SQLE: variants seen among roughly 807,000 people sequenced by gnomAD.
The protein encoded by SQLE is squalene monooxygenase.
Under a neutral mutation model 60.7 loss-of-function variants are expected in SQLE, and 29 were observed. The observed-to-expected ratio is 0.48, with a 90% CI of 0.36 to 0.65. SQLE has a LOEUF of 0.65. Among genes scored for constraint, SQLE ranks in the 30% least tolerant of loss-of-function variants. The pLI is 0.00. For missense variants in SQLE, 605 were observed against 684.1 expected, an observed-to-expected ratio of 0.88 and a Z score of 1.29; for synonymous variants, 237 against 246.8, an observed-to-expected ratio of 0.96 and a Z score of 0.37.
At chr8:125,002,668 A>G (rs889369128) in intron 1 of SQLE, among the ~76,000 whole-genome samples, 2 of 152,182 alleles carry the variant, frequency 1.3e-5, no homozygotes, top group African/African-American at 2.4e-5. Context: ...CAAGAGTGAA[A>G]CTCAGTCTCA....
intron 7 of SQLE, among the ~76,000 whole-genome samples, chr8:125,017,243 G>C (rs1259389416): frequency 6.6e-6 from 1 of 152,064 alleles, no homozygotes; most frequent in Non-Finnish European, 1.5e-5. Context: ...CAGAAATGCT[G>C]TCTGGGAGCC....
In SQLE at chr8:125,003,232, A is replaced by G; in HGVS notation, c.348A>G (p.Thr116=). 1.2e-6 allele frequency: 2 copies of G among 1,613,930 alleles called. No individual in the cohort carries two copies. Among genetic ancestry groups the G allele is most frequent in the East Asian group, 4.5e-5 (2 of 44,880 alleles). ...GCTTAATAGGAACAGCTGCCTGTAC[A>G]TCAACATCTTCTCAGAATGACCCAG... ...ETSLIGTAAC[T]STSSQNDPEV... Residue 116 remains threonine, a synonymous_variant, in exon 2 of 11, where the codon ACA becomes ACG. Transcript: ENST00000265896.
At chr8:125,014,065 G>A (rs1040003251) in intron 7 of SQLE, among the ~76,000 whole-genome samples, 1 of 152,004 alleles carries the variant, frequency 6.6e-6, no homozygotes, top group African/African-American at 2.4e-5. Context: ...ATGGTTTGGA[G>A]GAAAGTCTAG....
intron 4 of SQLE, among the ~76,000 whole-genome samples, chr8:125,008,734 T>C (rs1814995924): frequency 6.6e-6 from 1 of 152,194 alleles, no homozygotes; most frequent in South Asian, 2.1e-4. Context: ...CCAGATGGTT[T>C]GCATGGGAGG....
intron 4 of SQLE, 112 bp from the exon 5 acceptor site, chr8:125,008,858 TA>T (rs1814997979): frequency 8.6e-6 from 6 of 699,654 alleles, no homozygotes; most frequent in Non-Finnish European, 1.3e-5. Context: ...AACTACTCTC[TA>T]TAATGCTATC....
chr8:125,018,535 T>G, intron 8 of SQLE, 96 bp from the exon 9 acceptor site: 2 of 787,488 alleles, frequency 2.5e-6, no homozygotes, highest in Non-Finnish European at 4.0e-6. Context: ...TTGCAGATAG[T>G]CCTTAGAAGG....
At chr8:125,005,729 T>C in intron 3 of SQLE, 24 bp downstream of exon 3, 1 of 1,506,338 alleles carries the variant, frequency 6.6e-7, no homozygotes, top group East Asian at 2.3e-5. Context: ...TTCAAATATA[T>C]AATTACTAAA....
chr8:125,012,850 A>C (rs1049196757), intron 7 of SQLE, among the ~76,000 whole-genome samples: 1 of 152,222 alleles, frequency 6.6e-6, no homozygotes. Context: ...TTTCCAAAAT[A>C]GCTGTCCCAG....
intron 6 of SQLE, among the ~76,000 whole-genome samples, chr8:125,010,701 T>C (rs933533656): frequency 1.1e-4 from 16 of 152,172 alleles, no homozygotes; most frequent in Non-Finnish European, 2.1e-4. Flanking sequence ...ATTATGAATA[T>C]TTATGAAAAG....
intron 10 of SQLE, among the ~76,000 whole-genome samples, chr8:125,021,141 G>A (rs1404958952): frequency 6.6e-6 from 1 of 152,128 alleles, no homozygotes; most frequent in East Asian, 1.9e-4. Flanking sequence ...TTATCCATAT[G>A]TTCTGGTCTG....
chr8:125,008,945 CTG>C, intron 4 of SQLE, 24 bp from the exon 5 acceptor site: 1 of 1,467,658 alleles, frequency 6.8e-7, no homozygotes, highest in Non-Finnish European at 9.1e-7. Context: ...GACTACTAAA[CTG>C]AGTAGTCTTC....
At chr8:125,014,974 C>T (rs1815089809) in intron 7 of SQLE, among the ~76,000 whole-genome samples, 1 of 152,100 alleles carries the variant, frequency 6.6e-6, no homozygotes, top group Non-Finnish European at 1.5e-5. Context: ...GTTTATCTGT[C>T]TGGATGATCT....
chr8:125,002,681 C>G (rs1187731185), intron 1 of SQLE, among the ~76,000 whole-genome samples: 1 of 151,632 alleles, frequency 6.6e-6, no homozygotes, highest in Non-Finnish European at 1.5e-5. Context: ...CAGTCTCAAA[C>G]AAACAAACAA....
intron 1 of SQLE, 183 bp downstream of exon 1, chr8:124,999,877 G>C (rs2129865332): frequency 6.2e-6 from 5 of 812,278 alleles, no homozygotes; most frequent in Non-Finnish European, 9.9e-6. Context: ...TTAAGAATGA[G>C]TGAAGACATT....
chr8:125,009,449 G>T, intron 6 of SQLE, 106 bp downstream of exon 6: 2 of 1,179,078 alleles, frequency 1.7e-6, no homozygotes, highest in Non-Finnish European at 2.3e-6. Flanking sequence ...TTCTGGAACT[G>T]AACTATTTAA....
rs376815713 is a variant in SQLE, at chr8:125,018,193, A to G, written c.1339A>G (p.Ile447Val). 82 of 1,606,910 alleles carry G rather than the reference A, an allele frequency of 5.1e-5. No homozygotes were observed. Among genetic ancestry groups the G allele is most frequent in the South Asian group, 4.3e-4 (38 of 89,362 alleles). Residue 447 changes from isoleucine (I) to valine (V), a missense_variant, in exon 8 of 11, where the codon ATT becomes GTT. By Grantham distance (29) the Ile-to-Val change is conservative. Coordinates refer to ENST00000265896, the MANE Select transcript of SQLE (RefSeq NM_003129.4). ...GIPDLYDDAA[I>V]FEAKKSFYWA... ...CCCTGACCTTTATGATGATGCAGCT[A>G]TTTTCGAGGTAAGATCAATTATTTT... is the stretch of plus-strand genomic sequence containing the variant.
At chr8:125,004,216 G>A (rs1176855500) in intron 2 of SQLE, among the ~76,000 whole-genome samples, 1 of 152,108 alleles carries the variant, frequency 6.6e-6, no homozygotes, top group African/African-American at 2.4e-5. Flanking sequence ...CCCAAGCATA[G>A]TTGTTTTTCA....
chr8:125,006,657 A>T (rs1157629017), intron 3 of SQLE, among the ~76,000 whole-genome samples: 1 of 151,842 alleles, frequency 6.6e-6, no homozygotes, highest in African/African-American at 2.4e-5. Context: ...AATAGTCCCA[A>T]ATATAAAGAT....
chr8:125,011,420 G>A (rs1815038089), intron 6 of SQLE, 117 bp from the exon 7 acceptor site: 3 of 720,392 alleles, frequency 4.2e-6, no homozygotes, highest in East Asian at 2.8e-5. Context: ...AGGGATATAT[G>A]TAACAACCAT....
Sources: gnomAD v4.1 joint callset for allele counts (sites outside exome capture counted in the v4.1 genomes callset) on GRCh38, gnomAD v4.1.1 for gene constraint, MANE v1.5 for transcripts, NCBI Gene and HGNC (gene_info 2026-07-23, HGNC 2026-07-21) for gene names.